The following TYW1B variants were observed in gnomAD, a reference collection of about 807,000 sequenced individuals.
The protein encoded by TYW1B is S-adenosyl-L-methionine-dependent tRNA 4-demethylwyosine synthase TYW1B.
A neutral mutation model predicts 86.9 loss-of-function variants in TYW1B; 73 were observed. The observed-to-expected ratio is 0.84, with a 90% CI of 0.70 to 1.02. The LOEUF (loss-of-function observed/expected upper bound fraction) is 1.02. TYW1B is among the 50% of genes least tolerant of loss of function. The probability of loss-of-function intolerance (pLI) is 0.00; values close to 1 mark genes in which losing one functional copy is unlikely to be tolerated. For missense variants in TYW1B, 637 were observed against 827.4 expected, an observed-to-expected ratio of 0.77 and a Z score of 2.82; for synonymous variants, 248 against 292.8, an observed-to-expected ratio of 0.85 and a Z score of 1.56.
chr7:72,649,604 T>C (rs1265597350), intron 11 of TYW1B, among the ~76,000 whole-genome samples: 2 of 152,092 alleles, frequency 1.3e-5, no homozygotes, highest in Non-Finnish European at 2.9e-5. Context: ...TACAAATGAA[T>C]AGAAATAATT....
chr7:72,702,191 G>T lies in TYW1B; in HGVS notation c.1371-7369C>A, dbSNP rs561327319. On this transcript the variant is annotated intron_variant, in intron 10 of 13. Coordinates refer to ENST00000620995, the MANE Select transcript of TYW1B (RefSeq NM_001145440.3). Reference sequence around the variant, plus strand: ...AATTGTTTAGGAGAAACATCCAAAGGCTTTTTGCACCAGACAAACTTGAGT... The same window carrying T: ...AATTGTTTAGGAGAAACATCCAAAGTCTTTTTGCACCAGACAAACTTGAGT... Among the ~76,000 whole-genome samples the T allele has an allele frequency of 2.7e-3, 406 of 152,180 alleles. 1 individual carries two copies. The highest frequency in any genetic ancestry group is 8.8e-3 in the African/African-American group (367 of 41,522).
chr7:72,663,117 G>C (rs1253409657), intron 11 of TYW1B, among the ~76,000 whole-genome samples: 2 of 145,812 alleles, frequency 1.4e-5, no homozygotes, highest in African/African-American at 5.1e-5. Flanking sequence ...ATTCCATGTA[G>C]AAGAAATTAA....
chr7:72,810,127 A>C (rs1554477708), intron 4 of TYW1B, among the ~76,000 whole-genome samples: 1 of 151,506 alleles, frequency 6.6e-6, no homozygotes, highest in Middle Eastern at 3.2e-3. Flanking sequence ...AAAATACAAA[A>C]ATTGGCCAAG....
chr7:72,601,459 GT>G (rs1214363975), intron 13 of TYW1B, among the ~76,000 whole-genome samples: 4 of 152,062 alleles, frequency 2.6e-5, no homozygotes, highest in Admixed American at 6.5e-5. Context: ...TTGGAAGACA[GT>G]TTTTTACAAC....
chr7:72,669,601 TAA>T (rs879959692), intron 11 of TYW1B, among the ~76,000 whole-genome samples: 12 of 147,014 alleles, frequency 8.2e-5, no homozygotes, highest in African/African-American at 3.0e-4. Flanking sequence ...CCCTGCCTCT[TAA>T]AAAAAAAAAT....
chr7:72,768,357 C>T (rs782398534), intron 7 of TYW1B, among the ~76,000 whole-genome samples: 4 of 152,230 alleles, frequency 2.6e-5, no homozygotes, highest in Middle Eastern at 3.4e-3. Context: ...CTCCTGCCAC[C>T]GCTCTAGGAA....
intron 7 of TYW1B, among the ~76,000 whole-genome samples, chr7:72,771,232 G>A (rs1787863145): frequency 6.6e-6 from 1 of 152,060 alleles, no homozygotes; most frequent in African/African-American, 2.4e-5. Flanking sequence ...AAAGTGCTAG[G>A]ATTACAGGCG....
chr7:72,632,366 C>T lies in TYW1B; in HGVS notation c.1507-3369G>A, dbSNP rs1475850564. Among the ~76,000 whole-genome samples, 141 of 70,848 alleles carry T rather than the reference C, an allele frequency of 2.0e-3. 5 individuals are homozygous for T. Among genetic ancestry groups the T allele is most frequent in the African/African-American group, 8.1e-3 (103 of 12,790 alleles). The allele number at this position is 70,848 out of a possible 152,430, so 46.5% of individuals were successfully genotyped here. On this transcript the variant is annotated intron_variant, in intron 11 of 13. Transcript: ENST00000620995. ...ATATATTATATATATTATATATATA[C>T]GCATATATATTATATATATACGTAT...
At chr7:72,677,051 T>C (rs1813752512) in intron 11 of TYW1B, among the ~76,000 whole-genome samples, 1 of 152,192 alleles carries the variant, frequency 6.6e-6, no homozygotes, top group Non-Finnish European at 1.5e-5. Flanking sequence ...AGTTAGGTAG[T>C]GATGATTTCA....
At chr7:72,683,065 C>T (rs1304475500) in intron 11 of TYW1B, among the ~76,000 whole-genome samples, 4 of 152,136 alleles carry the variant, frequency 2.6e-5, no homozygotes, top group Admixed American at 1.3e-4. Context: ...TCAGGAGAAC[C>T]GATTTAACCA....
chr7:72,805,562 A>G (rs1430954292), intron 5 of TYW1B, among the ~76,000 whole-genome samples: 2 of 151,736 alleles, frequency 1.3e-5, no homozygotes, highest in Non-Finnish European at 2.9e-5. Context: ...GCAGTGAGCC[A>G]TGATCATACC....
At chr7:72,717,083 T>C (rs1387506426) in intron 9 of TYW1B, among the ~76,000 whole-genome samples, 1 of 151,732 alleles carries the variant, frequency 6.6e-6, no homozygotes, top group Non-Finnish European at 1.5e-5. Context: ...GGTGCATCAG[T>C]TGAAGTCAGG....
Position 72,626,592 on chromosome 7 carries a change from C to T in TYW1B, c.1617+2295G>A, listed in dbSNP as rs189082500. Among the ~76,000 whole-genome samples the T allele has an allele frequency of 1.1e-4, 16 of 152,262 alleles. No homozygotes were observed. In the East Asian group the frequency reaches 3.1e-3, roughly 29 times the overall value. On this transcript the variant is annotated intron_variant, in intron 12 of 13. Transcript: ENST00000620995. ...TTTTCCCTCCTGGTTTCCTGTATCT[C>T]AGCAAACAGTTTCGCCATCCACGCA...
chr7:72,740,159 G>A (rs1371844552), intron 8 of TYW1B, among the ~76,000 whole-genome samples: 1 of 151,842 alleles, frequency 6.6e-6, no homozygotes, highest in Non-Finnish European at 1.5e-5. Flanking sequence ...CATGAACCTG[G>A]GAGGTGGAGC....
intron 9 of TYW1B, among the ~76,000 whole-genome samples, chr7:72,725,027 G>T (rs1395909077): frequency 5.9e-5 from 9 of 152,124 alleles, no homozygotes; most frequent in Non-Finnish European, 1.2e-4. Flanking sequence ...GATGCCTGCT[G>T]ATTAACGTTT....
At chr7:72,644,882 C>A (rs1413432868) in intron 11 of TYW1B, among the ~76,000 whole-genome samples, 1 of 142,220 alleles carries the variant, frequency 7.0e-6, no homozygotes, top group African/African-American at 2.7e-5. Flanking sequence ...GGCTGGAGTG[C>A]AGTGCCGCGA....
chr7:72,622,802 C>A (rs1812256205), intron 12 of TYW1B, among the ~76,000 whole-genome samples: 1 of 151,884 alleles, frequency 6.6e-6, no homozygotes, highest in South Asian at 2.1e-4. Flanking sequence ...GCATAACACA[C>A]ACAACACACA....
chr7:72,798,310 G>A (rs1788345160), intron 6 of TYW1B, among the ~76,000 whole-genome samples: 1 of 151,696 alleles, frequency 6.6e-6, no homozygotes, highest in Admixed American at 6.6e-5. Flanking sequence ...AGAACGGCGT[G>A]AACCCAGGAG....
intron 11 of TYW1B, among the ~76,000 whole-genome samples, chr7:72,661,359 G>A (rs1813326784): frequency 6.6e-6 from 1 of 151,638 alleles, no homozygotes; most frequent in Non-Finnish European, 1.5e-5. Context: ...TGGGTTTCTT[G>A]AGCCCAGTGG....
Sources: allele counts gnomAD v4.1 joint callset (sites outside exome capture counted in the v4.1 genomes callset), GRCh38; gene constraint gnomAD v4.1.1; transcripts MANE v1.5; gene names NCBI Gene and HGNC (gene_info 2026-07-23, HGNC 2026-07-21).